The following KHDRBS2 variants were observed in gnomAD, a reference collection of about 807,000 sequenced individuals.
The protein encoded by KHDRBS2 is KH domain-containing, RNA-binding, signal transduction-associated protein 2.
A neutral mutation model predicts 44.3 loss-of-function variants in KHDRBS2; 26 were observed. The ratio of observed to expected loss-of-function variants is 0.59; its 90% CI spans 0.43 to 0.81. The LOEUF is 0.81. KHDRBS2 is among the 40% of genes least tolerant of loss of function. The pLI, the probability that KHDRBS2 is intolerant of heterozygous loss-of-function variation, is 0.00. For synonymous variants in KHDRBS2, 194 were observed against 151.1 expected (o/e 1.28, Z -2.08); for missense variants, 476 against 433.1 (o/e 1.10, Z -0.88).
chr6:61,704,497 A>G (rs1769178916), intron 7 of KHDRBS2, among the ~76,000 whole-genome samples: 2 of 151,786 alleles, frequency 1.3e-5, no homozygotes, highest in Non-Finnish European at 2.9e-5. Flanking sequence ...ATTAGCAGCT[A>G]CTTTGCTGGA....
chr6:61,703,725 A>T (rs1223985239), intron 7 of KHDRBS2, among the ~76,000 whole-genome samples: 1 of 151,678 alleles, frequency 6.6e-6, no homozygotes. Context: ...TATAACACAC[A>T]TGTAGATATA....
At position 61,719,412 on chromosome 6, in the gene KHDRBS2, C is replaced by T. The variant is rs112503134; in HGVS notation, c.893+13270G>A. 3.2e-3 allele frequency among the ~76,000 whole-genome samples: 489 copies of T among 150,884 alleles called. 6 individuals carry two copies. The highest frequency in any genetic ancestry group is 0.011 in the African/African-American group (472 of 41,114). On this transcript the variant is annotated intron_variant, in intron 7 of 8. Transcript: ENST00000281156. ...ATGTTGACAAAATCTTGTGAATTTC[C>T]ATGATTTCAGAAGGTTGACCTTTGA...
chr6:62,249,682 G>A (rs775079651), intron 1 of KHDRBS2, among the ~76,000 whole-genome samples: 1 of 151,918 alleles, frequency 6.6e-6, no homozygotes, highest in Non-Finnish European at 1.5e-5. Flanking sequence ...ATTGAAAACC[G>A]CCTGCTTGCT....
chr6:62,168,794 A>G (rs942245437), intron 2 of KHDRBS2, among the ~76,000 whole-genome samples: 3 of 151,940 alleles, frequency 2.0e-5, no homozygotes, highest in African/African-American at 7.2e-5. Flanking sequence ...CTCAATACAC[A>G]TAGTTCCTAT....
chr6:61,913,489 A>C (rs1806412054), intron 4 of KHDRBS2, among the ~76,000 whole-genome samples: 1 of 151,482 alleles, frequency 6.6e-6, no homozygotes, highest in Non-Finnish European at 1.5e-5. Context: ...TCAGTGAAGA[A>C]ATATATTATT....
chr6:62,141,760 G>T (rs1812862302), intron 2 of KHDRBS2, among the ~76,000 whole-genome samples: 1 of 152,020 alleles, frequency 6.6e-6, no homozygotes, highest in African/African-American at 2.4e-5. Context: ...AATGAAAAGG[G>T]TAAGTGGATT....
the KHDRBS2 span, among the ~76,000 whole-genome samples, chr6:61,564,800 T>C: frequency 2.0e-5 from 3 of 151,938 alleles, no homozygotes; most frequent in African/African-American, 4.8e-5. Flanking sequence ...ATAAATATTA[T>C]GTAGACAAAA....
chr6:62,078,577 T>C (rs1796794577), intron 2 of KHDRBS2, among the ~76,000 whole-genome samples: 1 of 151,952 alleles, frequency 6.6e-6, no homozygotes, highest in Non-Finnish European at 1.5e-5. Context: ...TATAATTTCA[T>C]CTGTATTAGA....
intron 2 of KHDRBS2, among the ~76,000 whole-genome samples, chr6:62,169,099 A>C (rs1201963214): frequency 7.0e-6 from 1 of 142,876 alleles, no homozygotes; most frequent in African/African-American, 2.5e-5. Flanking sequence ...ATTTATATTT[A>C]TATATACACA....
At chr6:61,696,342 AACTCCCTGGTTCAAGCTATTC>A (rs1453318912) in intron 8 of KHDRBS2, among the ~76,000 whole-genome samples, 2 of 151,906 alleles carry the variant, frequency 1.3e-5, no homozygotes, top group Non-Finnish European at 2.9e-5. Context: ...TGCAACCTCC[AACTCCCTGGTTCAAGCTATTC>A]TCTTGCCTCA....
At chr6:61,556,382 A>AGAAT in the KHDRBS2 span, among the ~76,000 whole-genome samples, 1 of 152,212 alleles carries the variant, frequency 6.6e-6, no homozygotes, top group African/African-American at 2.4e-5. Flanking sequence ...AAAATCAATA[A>AGAAT]GAATGGGAAA....
chr6:62,167,203 A>C (rs985732200), intron 2 of KHDRBS2, among the ~76,000 whole-genome samples: 5 of 152,058 alleles, frequency 3.3e-5, no homozygotes, highest in African/African-American at 1.2e-4. Context: ...TAGTTAAAAC[A>C]GGCTGAATAT....
intron 3 of KHDRBS2, among the ~76,000 whole-genome samples, chr6:62,041,079 C>T (rs1382708970): frequency 6.6e-6 from 1 of 151,992 alleles, no homozygotes; most frequent in Non-Finnish European, 1.5e-5. Flanking sequence ...ACTTGTAATC[C>T]CAGCACTTTC....
chr6:62,064,490 A>G (rs1025404563), intron 2 of KHDRBS2, among the ~76,000 whole-genome samples: 6 of 147,888 alleles, frequency 4.1e-5, no homozygotes, highest in Non-Finnish European at 9.0e-5. Flanking sequence ...ACCTACAACT[A>G]TCTGATCTTT....
intron 6 of KHDRBS2, among the ~76,000 whole-genome samples, chr6:61,753,570 AT>A (rs1395177113): frequency 6.6e-6 from 1 of 152,082 alleles, no homozygotes; most frequent in African/African-American, 2.4e-5. Context: ...TCTTTTGCTC[AT>A]ATGTGTGTAG....
intron 2 of KHDRBS2, among the ~76,000 whole-genome samples, chr6:62,141,732 ATTACTCAGGCCC>A (rs1404931026): frequency 6.6e-6 from 1 of 152,144 alleles, no homozygotes; most frequent in Non-Finnish European, 1.5e-5. Context: ...TATCCTAAGT[ATTACTCAGGCCC>A]TTACTAATGA....
intron 7 of KHDRBS2, among the ~76,000 whole-genome samples, chr6:61,731,298 G>A (rs1774403094): frequency 6.6e-6 from 1 of 152,008 alleles, no homozygotes; most frequent in African/African-American, 2.4e-5. Context: ...ATGTAATTGG[G>A]ACAATTAAGA....
intron 1 of KHDRBS2, among the ~76,000 whole-genome samples, chr6:62,219,334 C>T (rs1830508347): frequency 6.6e-6 from 1 of 151,388 alleles, no homozygotes; most frequent in Non-Finnish European, 1.5e-5. Context: ...AATCAGAGTG[C>T]CAGAAGAACA....
At chr6:62,144,958 T>A (rs1383132706) in intron 2 of KHDRBS2, among the ~76,000 whole-genome samples, 3 of 151,944 alleles carry the variant, frequency 2.0e-5, no homozygotes, top group Admixed American at 1.3e-4. Flanking sequence ...TTGAACAGGA[T>A]TCATAATTGA....
Sources: allele counts gnomAD v4.1 joint callset (sites outside exome capture counted in the v4.1 genomes callset), GRCh38; gene constraint gnomAD v4.1.1; transcripts MANE v1.5; gene names NCBI Gene and HGNC (gene_info 2026-07-23, HGNC 2026-07-21).